The following LRP1B variants were observed in gnomAD, a reference collection of about 807,000 sequenced individuals.
The protein encoded by LRP1B is LDL receptor related protein 1B.
In LRP1B, 217 loss-of-function variants were observed where a neutral mutation model predicts 556.6. That is an observed-to-expected ratio of 0.39 (90% CI 0.35 to 0.44). LRP1B has a LOEUF of 0.44. LRP1B is among the 20% of genes least tolerant of loss of function. The pLI is 1.00. For missense variants in LRP1B, 5,053 were observed against 5,620.8 expected (o/e 0.90, Z 3.23); for synonymous variants, 2,047 against 1,865.8 (o/e 1.10, Z -2.50).
chr2:140,553,422 A>AACACACAC (rs61540618), intron 43 of LRP1B, among the ~76,000 whole-genome samples: 10,270 of 148,196 alleles, frequency 0.069, 458 homozygotes, highest in East Asian at 0.21. Context: ...TTGTGCTCTT[A>AACACACAC]ACACACACAC....
chr2:141,684,312 A>G (rs1691215527), intron 2 of LRP1B, among the ~76,000 whole-genome samples: 2 of 152,152 alleles, frequency 1.3e-5, no homozygotes, highest in African/African-American at 2.4e-5. Flanking sequence ...AGGGACATGG[A>G]TGAAGATGGA....
At chr2:141,698,404 A>T (rs1334850143) in intron 2 of LRP1B, among the ~76,000 whole-genome samples, 1 of 151,720 alleles carries the variant, frequency 6.6e-6, no homozygotes, top group Admixed American at 6.6e-5. Flanking sequence ...AGAATCAGGG[A>T]AAGTGTTCCT....
intron 18 of LRP1B, among the ~76,000 whole-genome samples, chr2:140,954,636 C>T (rs984465310): frequency 6.6e-6 from 1 of 151,908 alleles, no homozygotes; most frequent in Non-Finnish European, 1.5e-5. Flanking sequence ...TGGAAATTAG[C>T]TCTGAATATA....
intron 7 of LRP1B, among the ~76,000 whole-genome samples, chr2:141,128,735 C>CCGAG (rs1701277930): frequency 1.3e-5 from 2 of 152,160 alleles, no homozygotes; most frequent in East Asian, 1.9e-4. Context: ...GTTCTCCTAC[C>CCGAG]TCAGCCTCCC....
intron 41 of LRP1B, among the ~76,000 whole-genome samples, chr2:140,671,070 T>C (rs76228650): frequency 0.089 from 13,502 of 152,252 alleles, 675 homozygotes; most frequent in South Asian, 0.18. Context: ...CATTTCTTAT[T>C]GCAGTTATAA....
At chr2:141,360,039 A>C (rs1340604275) in intron 3 of LRP1B, among the ~76,000 whole-genome samples, 1 of 152,184 alleles carries the variant, frequency 6.6e-6, no homozygotes, top group Non-Finnish European at 1.5e-5. Flanking sequence ...GTGTGTAGAA[A>C]ATAATTTGAC....
At chr2:140,882,167 A>T (rs1693496156) in intron 25 of LRP1B, among the ~76,000 whole-genome samples, 1 of 152,178 alleles carries the variant, frequency 6.6e-6, no homozygotes, top group Non-Finnish European at 1.5e-5. Context: ...CCTTGCTGAC[A>T]CAACTTAGGT....
At chr2:140,443,820 T>C (rs1686533920) in intron 65 of LRP1B, among the ~76,000 whole-genome samples, 1 of 152,214 alleles carries the variant, frequency 6.6e-6, no homozygotes. Context: ...TTTGTTAAGA[T>C]ACGTTAAATG....
chr2:140,326,119 A>G (rs1680462925), intron 79 of LRP1B, among the ~76,000 whole-genome samples: 2 of 152,148 alleles, frequency 1.3e-5, no homozygotes, highest in African/African-American at 4.8e-5. Flanking sequence ...CTTATTTCAC[A>G]TAGGAAAGTC....
intron 66 of LRP1B, among the ~76,000 whole-genome samples, chr2:140,399,379 A>T (rs946865628): frequency 3.9e-5 from 6 of 152,126 alleles, no homozygotes; most frequent in Non-Finnish European, 8.8e-5. Flanking sequence ...GAATCATTTC[A>T]AATGTTACTC....
intron 24 of LRP1B, among the ~76,000 whole-genome samples, chr2:140,885,921 C>T (rs1693624779): frequency 6.6e-6 from 1 of 150,888 alleles, no homozygotes; most frequent in Admixed American, 6.6e-5. Context: ...GAAAAGTCCA[C>T]AGTGGCAAAT....
chr2:140,244,651 A>G (rs1163927561), intron 87 of LRP1B, among the ~76,000 whole-genome samples: 1 of 151,226 alleles, frequency 6.6e-6, no homozygotes, highest in Non-Finnish European at 1.5e-5. Flanking sequence ...CTGCTTTTAG[A>G]TACTTTAAAC....
chr2:140,853,115 C>T (rs1029009611), intron 27 of LRP1B, among the ~76,000 whole-genome samples: 1 of 151,996 alleles, frequency 6.6e-6, no homozygotes, highest in South Asian at 2.1e-4. Context: ...CTGTGACCTT[C>T]CCTCCACCCC....
intron 7 of LRP1B, among the ~76,000 whole-genome samples, chr2:141,178,761 T>C (rs1680855400): frequency 6.6e-6 from 1 of 152,048 alleles, no homozygotes; most frequent in Non-Finnish European, 1.5e-5. Context: ...CTTCAGTATT[T>C]TTCTCCTTCT....
chr2:141,081,118 C>A (rs1349335195), intron 7 of LRP1B, among the ~76,000 whole-genome samples: 2 of 152,186 alleles, frequency 1.3e-5, no homozygotes, highest in Admixed American at 1.3e-4. Context: ...TAGGCATGAA[C>A]CACTGCACCC....
chr2:141,169,967 A>G (rs951456605), intron 7 of LRP1B, among the ~76,000 whole-genome samples: 2 of 152,048 alleles, frequency 1.3e-5, no homozygotes, highest in African/African-American at 4.8e-5. Context: ...TAGCTGCCAC[A>G]TTGTATACAG....
intron 11 of LRP1B, among the ~76,000 whole-genome samples, 173 bp downstream of exon 11, chr2:141,048,813 G>T (rs1428717879): frequency 1.3e-5 from 2 of 151,936 alleles, no homozygotes. Context: ...TTAATACACT[G>T]GTATATGAAA....
chr2:140,640,164 G>A (rs1218276866), intron 41 of LRP1B, among the ~76,000 whole-genome samples: 1 of 150,966 alleles, frequency 6.6e-6, no homozygotes, highest in Non-Finnish European at 1.5e-5. Flanking sequence ...CACCTCGCCT[G>A]GCTAATTTTT....
chr2:140,929,409 A>T (rs1472623748), intron 20 of LRP1B, among the ~76,000 whole-genome samples: 3 of 152,086 alleles, frequency 2.0e-5, no homozygotes, highest in Non-Finnish European at 2.9e-5. Flanking sequence ...ATGGAACAAA[A>T]GATTTTCTGC....
Sources: gnomAD v4.1 joint callset for allele counts (sites outside exome capture counted in the v4.1 genomes callset) on GRCh38, gnomAD v4.1.1 for gene constraint, MANE v1.5 for transcripts, NCBI Gene and HGNC (gene_info 2026-07-23, HGNC 2026-07-21) for gene names.